Variants in CDH4 observed in about 807,000 individuals in gnomAD.
The protein encoded by CDH4 is cadherin-4.
A neutral mutation model predicts 86.0 loss-of-function variants in CDH4; 33 were observed. The ratio of observed to expected loss-of-function variants is 0.38; its 90% CI spans 0.29 to 0.51. The LOEUF (loss-of-function observed/expected upper bound fraction) is 0.51, where lower values mean the gene tolerates loss of function less well. CDH4 is among the 20% of genes least tolerant of loss of function. The probability of loss-of-function intolerance (pLI) is 0.86; values close to 1 mark genes in which losing one functional copy is unlikely to be tolerated. For synonymous variants in CDH4, 555 were observed against 549.4 expected, an observed-to-expected ratio of 1.01 and a Z score of -0.14; for missense variants, 1,114 against 1,307.4, an observed-to-expected ratio of 0.85 and a Z score of 2.28.
intron 2 of CDH4, among the ~76,000 whole-genome samples, chr20:61,327,248 C>T (rs1204516184): frequency 6.6e-6 from 1 of 152,172 alleles, no homozygotes. Context: ...ACTGTCAAAA[C>T]ACACAATTTC....
chr20:61,697,986 G>A (rs1160687260), intron 2 of CDH4, among the ~76,000 whole-genome samples: 1 of 152,256 alleles, frequency 6.6e-6, no homozygotes, highest in African/African-American at 2.4e-5. Context: ...AGGAGAAGAG[G>A]GTTCTGGCCT....
rs142385302 is a variant in CDH4 at position 61,834,234 on chromosome 20, G to A, written c.577-10434G>A. 4.3e-3 allele frequency among the ~76,000 whole-genome samples: 651 copies of A among 152,334 alleles called. 3 individuals are homozygous for A. The highest frequency in any genetic ancestry group is 7.8e-3 in the Non-Finnish European group (528 of 68,026). ...ACTCCAGCCTCATGGCTTCCTTGCTGCCCCTAAATGCCCTCCTTTGCTGCC... is the reference window on the plus strand; with the variant it reads ...ACTCCAGCCTCATGGCTTCCTTGCTACCCCTAAATGCCCTCCTTTGCTGCC... On this transcript the variant is annotated intron_variant, in intron 4 of 15. Coordinates refer to ENST00000614565, the MANE Select transcript of CDH4 (RefSeq NM_001794.5).
chr20:61,583,861 T>C (rs1320965233), intron 2 of CDH4, among the ~76,000 whole-genome samples: 1 of 152,184 alleles, frequency 6.6e-6, no homozygotes, highest in Non-Finnish European at 1.5e-5. Flanking sequence ...AGAGTGACTT[T>C]TAAAATATTC....
intron 2 of CDH4, among the ~76,000 whole-genome samples, chr20:61,268,085 G>A (rs1279417100): frequency 3.3e-5 from 5 of 152,210 alleles, no homozygotes; most frequent in African/African-American, 4.8e-5. Flanking sequence ...GTCTTCTTCC[G>A]ACATGTGTGG....
intron 4 of CDH4, among the ~76,000 whole-genome samples, chr20:61,780,608 T>G (rs1978487889): frequency 1.3e-5 from 2 of 152,216 alleles, no homozygotes; most frequent in Admixed American, 1.3e-4. Context: ...AATAATAAAT[T>G]GGAAGGTCTT....
chr20:61,336,080 A>G lies in CDH4; in HGVS notation c.169+81143A>G, dbSNP rs187020504. Among the ~76,000 whole-genome samples, 279 of 152,220 alleles carry G rather than the reference A, an allele frequency of 1.8e-3. 2 individuals carry two copies. The highest frequency in any genetic ancestry group is 8.2e-4 in the Non-Finnish European group (56 of 68,010). ...ATACTGTGGGGGAGAAGGTGCAGAT[A>G]TGATCACCAGGAGATGCATTCTCAT... On this transcript the variant is annotated intron_variant, in intron 2 of 15. Coordinates refer to ENST00000614565, the MANE Select transcript of CDH4 (RefSeq NM_001794.5).
intron 2 of CDH4, among the ~76,000 whole-genome samples, chr20:61,261,900 AGAGCCCGC>A (rs1200364877): frequency 1.3e-5 from 2 of 152,342 alleles, no homozygotes; most frequent in East Asian, 3.9e-4. Flanking sequence ...TGGGATTAGA[AGAGCCCGC>A]GGCTTCTGTG....
At chr20:61,433,165 T>C (rs1468121646) in intron 2 of CDH4, among the ~76,000 whole-genome samples, 1 of 152,196 alleles carries the variant, frequency 6.6e-6, no homozygotes, top group Non-Finnish European at 1.5e-5. Flanking sequence ...TTAATTTATG[T>C]TTGATGTGCG....
chr20:61,434,365 T>C (rs979350849), intron 2 of CDH4, among the ~76,000 whole-genome samples: 3 of 152,160 alleles, frequency 2.0e-5, no homozygotes, highest in Non-Finnish European at 4.4e-5. Context: ...GAGAATTCAT[T>C]TGCAACTCTA....
chr20:61,925,811 C>T (rs915384965), intron 11 of CDH4, among the ~76,000 whole-genome samples: 4 of 152,138 alleles, frequency 2.6e-5, no homozygotes, highest in Non-Finnish European at 4.4e-5. Context: ...GAGCTCCAGC[C>T]GTCACAGCCA....
intron 2 of CDH4, among the ~76,000 whole-genome samples, chr20:61,478,273 A>T (rs2085550329): frequency 1.3e-5 from 2 of 152,188 alleles, no homozygotes; most frequent in South Asian, 4.1e-4. Flanking sequence ...CAGAACGGAC[A>T]TGATCAGGAG....
At chr20:61,333,558 T>C (rs2084598082) in intron 2 of CDH4, among the ~76,000 whole-genome samples, 1 of 152,142 alleles carries the variant, frequency 6.6e-6, no homozygotes, top group Non-Finnish European at 1.5e-5. Flanking sequence ...AGTGCAGTTG[T>C]ACAGGGAGCT....
At chr20:61,713,931 G>A (rs922965697) in intron 2 of CDH4, among the ~76,000 whole-genome samples, 1 of 152,208 alleles carries the variant, frequency 6.6e-6, no homozygotes, top group African/African-American at 2.4e-5. Flanking sequence ...CTGATCAGAT[G>A]TGTGTTCACC....
At chr20:61,864,370 G>A (rs1025207622) in intron 6 of CDH4, among the ~76,000 whole-genome samples, 1 of 152,240 alleles carries the variant, frequency 6.6e-6, no homozygotes, top group Non-Finnish European at 1.5e-5. Flanking sequence ...GAAGCCTGGG[G>A]AACCCCCTGG....
At chr20:61,286,853 G>A (rs1403953127) in intron 2 of CDH4, among the ~76,000 whole-genome samples, 2 of 152,230 alleles carry the variant, frequency 1.3e-5, no homozygotes, top group East Asian at 3.8e-4. Flanking sequence ...TGGTCTCTGT[G>A]TGACTGGCAT....
intron 6 of CDH4, among the ~76,000 whole-genome samples, chr20:61,866,952 A>G (rs959971886): frequency 8.5e-5 from 13 of 152,228 alleles, no homozygotes; most frequent in Non-Finnish European, 4.4e-5. Context: ...GGGGCCTCCC[A>G]AAGAGGGGCC....
chr20:61,586,213 AATG>A (rs2086473600), intron 2 of CDH4, among the ~76,000 whole-genome samples: 1 of 150,954 alleles, frequency 6.6e-6, no homozygotes, highest in African/African-American at 2.4e-5. Context: ...TGGTGATGAT[AATG>A]ATATTAATCA....
chr20:61,401,052 A>G (rs570218746), intron 2 of CDH4, among the ~76,000 whole-genome samples: 1 of 152,324 alleles, frequency 6.6e-6, no homozygotes, highest in East Asian at 1.9e-4. Context: ...AGCTCCTAGC[A>G]CGGTCCCTAG....
chr20:61,443,282 G>A (rs569630715), intron 2 of CDH4, among the ~76,000 whole-genome samples: 4 of 152,226 alleles, frequency 2.6e-5, no homozygotes, highest in South Asian at 2.1e-4. Context: ...TTGTTATGCC[G>A]GAGTCATTTA....
Sources: allele counts gnomAD v4.1 joint callset (sites outside exome capture counted in the v4.1 genomes callset), GRCh38; gene constraint gnomAD v4.1.1; transcripts MANE v1.5; gene names NCBI Gene and HGNC (gene_info 2026-07-23, HGNC 2026-07-21).